TCTN2: variants seen among roughly 807,000 people sequenced by gnomAD.
TCTN2 encodes the protein tectonic family member 2.
Under a neutral mutation model 83.4 loss-of-function variants are expected in TCTN2, and 66 were observed. That is an observed-to-expected ratio of 0.79 (90% CI 0.65 to 0.97). The LOEUF (loss-of-function observed/expected upper bound fraction) is 0.97. Ranked by LOEUF, TCTN2 falls within the 50% of genes least tolerant of loss-of-function variation. TCTN2 has a pLI of 0.00. For synonymous variants in TCTN2, 301 were observed against 326.7 expected (o/e 0.92, Z 0.85); for missense variants, 794 against 858.1 (o/e 0.93, Z 0.93).
At chr12:123,683,178 G>A (rs1410312530) in intron 5 of TCTN2, among the ~76,000 whole-genome samples, 3 of 151,734 alleles carry the variant, frequency 2.0e-5, no homozygotes, top group Non-Finnish European at 2.9e-5. Flanking sequence ...AGCCAAGATC[G>A]TACCACTGCA....
rs758293291 is a variant in TCTN2, at chr12:123,687,053, C to T, written c.764+18C>T. On this transcript the variant is annotated intron_variant, in intron 6 of 17. Coordinates refer to ENST00000303372, the MANE Select transcript of TCTN2 (RefSeq NM_024809.5). ...GGTGCTGTGTAAGTGTCTGAGCAGCCGCCTGGGATGGGGCATTGTTCTCCC... is the reference window on the plus strand; with the variant it reads ...GGTGCTGTGTAAGTGTCTGAGCAGCTGCCTGGGATGGGGCATTGTTCTCCC... 7 of 1,613,902 alleles carry T rather than the reference C, an allele frequency of 4.3e-6. No individual in the cohort carries two copies. Among genetic ancestry groups the T allele is most frequent in the South Asian group, 3.3e-5 (3 of 91,072 alleles).
intron 7 of TCTN2, among the ~76,000 whole-genome samples, chr12:123,689,651 C>T (rs1321957944): frequency 6.6e-6 from 1 of 152,144 alleles, no homozygotes; most frequent in African/African-American, 2.4e-5. Context: ...TTCTGATCCT[C>T]TCCCTCCTCC....
intron 14 of TCTN2, chr12:123,700,097 A>C: frequency 2.1e-6 from 1 of 478,830 alleles, no homozygotes; most frequent in Non-Finnish European, 3.8e-6. Context: ...TTGCCTCCTC[A>C]TCCTCCCAGG....
chr12:123,706,579 C>A, intron 15 of TCTN2, 147 bp from the exon 16 acceptor site: 2 of 1,157,764 alleles, frequency 1.7e-6, no homozygotes, highest in Non-Finnish European at 2.5e-6. Flanking sequence ...AGACCATGGA[C>A]AAATACTGAG....
chr12:123,688,158 C>T lies in TCTN2; in HGVS notation c.872C>T (p.Ala291Val). Residue 291 changes from alanine to valine, a missense_variant, in exon 7 of 18, where the codon GCA becomes GTA. Transcript: ENST00000303372. ...GATCCCATTATGACTGTAAAGAAGGCATATTTTACTATTCCGCAGGTAATC... is the reference window on the plus strand; with the variant it reads ...GATCCCATTATGACTGTAAAGAAGGTATATTTTACTATTCCGCAGGTAATC... ...QGDPIMTVKK[A>V]YFTIPQVSLA... The T allele has an allele frequency of 6.2e-7, 1 of 1,612,666 alleles. No homozygotes were observed. Among genetic ancestry groups the T allele is most frequent in the South Asian group, 1.1e-5 (1 of 91,042 alleles).
intron 14 of TCTN2, 35 bp downstream of exon 14, chr12:123,699,845 T>A (rs1172587260): frequency 6.4e-7 from 1 of 1,557,622 alleles, no homozygotes; most frequent in Non-Finnish European, 8.9e-7. Context: ...AGCCTGTAAC[T>A]TGGTTGCTGT....
At position 123,707,779 on chromosome 12, in the gene TCTN2, T is replaced by G; in HGVS notation, c.*66T>G. The G allele has an allele frequency of 4.8e-6, 6 of 1,251,090 alleles. No homozygotes were observed. Among genetic ancestry groups the G allele is most frequent in the Non-Finnish European group, 7.0e-6 (6 of 853,192 alleles). The allele number at this position is 1,251,090 out of a possible 1,614,324, so 77.5% of individuals were successfully genotyped here. A position where few individuals can be genotyped will look rare whatever the true frequency, so the allele number is the denominator to read the frequency against. On this transcript the variant is annotated 3_prime_UTR_variant, in exon 18 of 18. Transcript: ENST00000303372. ...TCTTGTTGCCCAGGCTGAAGTGATC[T>G]CGGCTCACCACAACCTCCTCCTCTT...
At chr12:123,691,177 C>T (rs1190884535) in intron 8 of TCTN2, among the ~76,000 whole-genome samples, 1 of 152,162 alleles carries the variant, frequency 6.6e-6, no homozygotes, top group Non-Finnish European at 1.5e-5. Context: ...CCAGAATTAA[C>T]CCTTTTAAAG....
intron 17 of TCTN2, 151 bp from the exon 18 acceptor site, chr12:123,707,453 C>G: frequency 2.7e-6 from 2 of 749,492 alleles, no homozygotes; most frequent in East Asian, 5.3e-5. Flanking sequence ...GCTGGCCAGG[C>G]TGGTCTCGAA....
chr12:123,690,770 C>T, intron 8 of TCTN2, 96 bp downstream of exon 8: 2 of 1,468,818 alleles, frequency 1.4e-6, no homozygotes, highest in East Asian at 2.3e-5. Context: ...GGTTCAACTT[C>T]AAATAATATT....
intron 14 of TCTN2, among the ~76,000 whole-genome samples, chr12:123,702,457 T>C (rs974759415): frequency 1.3e-5 from 2 of 152,024 alleles, no homozygotes; most frequent in Non-Finnish European, 2.9e-5. Flanking sequence ...CCCCTCTTGG[T>C]CATGGATAAT....
chr12:123,684,854 A>T (rs1019208364), intron 5 of TCTN2, among the ~76,000 whole-genome samples: 1 of 151,994 alleles, frequency 6.6e-6, no homozygotes, highest in Non-Finnish European at 1.5e-5. Flanking sequence ...GATAGAGAAC[A>T]TCCTGGCCAA....
In TCTN2 at chr12:123,671,171, C is replaced by A. The variant is rs1356475618; in HGVS notation, c.-70C>A. The A allele has an allele frequency of 2.8e-6, 4 of 1,452,942 alleles. No individual in the cohort carries two copies. Among genetic ancestry groups the A allele is most frequent in the South Asian group, 1.2e-5 (1 of 83,624 alleles). 90.0% of individuals were successfully genotyped at this position (1,452,942 alleles called of 1,614,324 possible). ...GGCGGGGCAGTGGCTGCTGCGTTTT[C>A]GTGTCTGAGTCCTTCCTGGGTTCTA... On this transcript the variant is annotated 5_prime_UTR_variant, in exon 1 of 18. Transcript: ENST00000303372.
At chr12:123,696,947 T>G in intron 12 of TCTN2, 140 bp from the exon 13 acceptor site, 1 of 706,116 alleles carries the variant, frequency 1.4e-6, no homozygotes, top group Non-Finnish European at 2.5e-6. Flanking sequence ...TTGAAAGGAT[T>G]AGACTAACAG....
intron 5 of TCTN2, among the ~76,000 whole-genome samples, chr12:123,680,954 G>T (rs1182145506): frequency 6.6e-6 from 1 of 151,758 alleles, no homozygotes; most frequent in Admixed American, 6.6e-5. Context: ...AAACCTTTAA[G>T]AAATATAAAA....
intron 5 of TCTN2, 68 bp from the exon 6 acceptor site, chr12:123,686,768 G>A: frequency 2.0e-6 from 3 of 1,485,488 alleles, no homozygotes; most frequent in Non-Finnish European, 1.9e-6. Context: ...ATAAGAGTTA[G>A]CATTCGCTAC....
intron 15 of TCTN2, 59 bp from the exon 16 acceptor site, chr12:123,706,667 T>C: frequency 6.2e-7 from 1 of 1,613,164 alleles, no homozygotes; most frequent in South Asian, 1.1e-5. Flanking sequence ...TTACCTGCTG[T>C]TCTTGGTGGA....
chr12:123,696,681 T>G (rs559208406), intron 12 of TCTN2, 186 bp downstream of exon 12: 54 of 645,404 alleles, frequency 8.4e-5, no homozygotes, highest in Admixed American at 8.2e-4. Flanking sequence ...TAAAAAGGAA[T>G]GCTAACATTG....
At chr12:123,684,628 G>A (rs1201263141) in intron 5 of TCTN2, among the ~76,000 whole-genome samples, 3 of 151,942 alleles carry the variant, frequency 2.0e-5, no homozygotes, top group African/African-American at 7.3e-5. Flanking sequence ...TCGAACTCCT[G>A]ACTGCAAGTG....
Sources: gnomAD v4.1 joint callset for allele counts (sites outside exome capture counted in the v4.1 genomes callset) on GRCh38, gnomAD v4.1.1 for gene constraint, MANE v1.5 for transcripts, NCBI Gene and HGNC (gene_info 2026-07-23, HGNC 2026-07-21) for gene names.